The following NHS variants were observed in gnomAD, a reference collection of about 807,000 sequenced individuals.
NHS encodes NHS actin remodeling regulator, also known as actin remodeling regulator NHS.
A neutral mutation model predicts 72.5 loss-of-function variants in NHS; 5 were observed. That is an observed-to-expected ratio of 0.07 (90% CI 0.04 to 0.14). NHS has a LOEUF of 0.14. Among genes scored for constraint, NHS ranks in the 10% least tolerant of loss-of-function variants. The pLI, the probability that NHS is intolerant of heterozygous loss-of-function variation, is 1.00. For synonymous variants in NHS, 464 were observed against 547.7 expected (o/e 0.85, Z 2.13); for missense variants, 1,072 against 1,355.7 (o/e 0.79, Z 3.29).
rs1391918630 is a variant in NHS at position 17,652,170 on chromosome X, TTGGCCC to T, written c.566-35571_566-35566del. On this transcript the variant is annotated intron_variant, in intron 1 of 8. Coordinates refer to ENST00000676302, the MANE Select transcript of NHS (RefSeq NM_001291867.2). ...CCTGGCCCTTTACAGAAAAAGTTTG[TTGGCCC>T]CTGCTATAGATCATCACTGTCCTAA... Among the ~76,000 whole-genome samples the T allele has an allele frequency of 1.2e-4, 14 of 112,704 alleles. No individual in the cohort carries two copies. In the East Asian group the frequency reaches 3.9e-3, roughly 31 times the overall value.
intron 1 of NHS, among the ~76,000 whole-genome samples, chrX:17,491,861 A>T (rs762286329): frequency 9.9e-6 from 1 of 101,016 alleles, no homozygotes; most frequent in South Asian, 4.7e-4. Flanking sequence ...TAGTCTTGGG[A>T]GGGTGTATGT....
chrX:17,733,123 T>G lies in NHS; in HGVS notation c.*659T>G, dbSNP rs1425901270. ...GAGTGGTAAACCTCAAATATGAATT[T>G]TAAACTGGTGAACTAAAGGAAATCT... On this transcript the variant is annotated 3_prime_UTR_variant, in exon 9 of 9. Coordinates refer to ENST00000676302, the MANE Select transcript of NHS (RefSeq NM_001291867.2). 8.8e-6 allele frequency: 1 copy of G among 113,589 alleles called. No homozygotes were observed. Among genetic ancestry groups the G allele is most frequent in the African/African-American group, 3.2e-5 (1 of 30,874 alleles). 9.4% of individuals were successfully genotyped at this position (113,589 alleles called of 1,213,427 possible).
chrX:17,635,678 G>T, intron 1 of NHS: 1 of 952,776 alleles, frequency 1.0e-6, no homozygotes. Flanking sequence ...GGCTTGTGCT[G>T]TAGCCACTTC....
At chrX:17,410,516 C>CTTT (rs200959395) in intron 1 of NHS, among the ~76,000 whole-genome samples, 30 of 82,202 alleles carry the variant, frequency 3.6e-4, no homozygotes, top group African/African-American at 1.0e-3. Flanking sequence ...CAACTCTCTG[C>CTTT]TTTTTTTTTT....
intron 1 of NHS, among the ~76,000 whole-genome samples, chrX:17,602,655 T>C (rs1404309765): frequency 1.8e-5 from 2 of 110,711 alleles, no homozygotes; most frequent in Non-Finnish European, 3.8e-5. Context: ...GCAAGTGGCT[T>C]GCTGCTTTAC....
chrX:17,446,092 C>T (rs2064778432), intron 1 of NHS, among the ~76,000 whole-genome samples: 1 of 110,396 alleles, frequency 9.1e-6, no homozygotes, highest in South Asian at 3.9e-4. Flanking sequence ...AATGCTCCTT[C>T]TAACAACCCC....
At chrX:17,397,233 C>A (rs1044464612) in intron 1 of NHS, among the ~76,000 whole-genome samples, 1 of 112,487 alleles carries the variant, frequency 8.9e-6, no homozygotes, top group African/African-American at 3.2e-5. Context: ...CACAACCAAC[C>A]GGGTGGCATG....
intron 5 of NHS, among the ~76,000 whole-genome samples, chrX:17,722,531 G>T (rs1383718306): frequency 9.0e-6 from 1 of 111,595 alleles, no homozygotes; most frequent in East Asian, 2.8e-4. Context: ...ACCCCACTCA[G>T]ATTTCTCTCA....
At chrX:17,712,310 C>CAT (rs1178952843) in intron 3 of NHS, among the ~76,000 whole-genome samples, 20 of 80,147 alleles carry the variant, frequency 2.5e-4, no homozygotes, top group Admixed American at 6.0e-4. Context: ...CACACACACA[C>CAT]ATATATATAT....
intron 1 of NHS, among the ~76,000 whole-genome samples, chrX:17,507,969 A>G (rs1249795988): frequency 9.0e-6 from 1 of 111,599 alleles, no homozygotes; most frequent in Admixed American, 9.5e-5. Flanking sequence ...TGCATATACT[A>G]TCTCATTTAA....
intron 1 of NHS, among the ~76,000 whole-genome samples, chrX:17,503,341 C>G (rs1304980114): frequency 8.9e-6 from 1 of 111,826 alleles, no homozygotes; most frequent in Non-Finnish European, 1.9e-5. Flanking sequence ...AGTGAGGATG[C>G]CCCACTTTAG....
intron 1 of NHS, among the ~76,000 whole-genome samples, chrX:17,480,977 A>C (rs868425628): frequency 8.9e-6 from 1 of 111,765 alleles, no homozygotes; most frequent in South Asian, 3.7e-4. Flanking sequence ...TTGAGGGGTC[A>C]TGATGGCCAG....
chrX:17,646,755 T>C (rs2065907533), intron 1 of NHS, among the ~76,000 whole-genome samples: 1 of 112,094 alleles, frequency 8.9e-6, no homozygotes, highest in African/African-American at 3.2e-5. Flanking sequence ...CAGCAAAACA[T>C]CCCCTTTTCT....
At chrX:17,454,062 A>G (rs2064816630) in intron 1 of NHS, among the ~76,000 whole-genome samples, 1 of 111,687 alleles carries the variant, frequency 9.0e-6, no homozygotes, top group African/African-American at 3.3e-5. Flanking sequence ...TCAGCCCCAC[A>G]TGTTTGTATT....
chrX:17,516,773 G>GCA (rs201829012), intron 1 of NHS, among the ~76,000 whole-genome samples: 230 of 100,545 alleles, frequency 2.3e-3, no homozygotes, highest in African/African-American at 7.2e-3. Flanking sequence ...AATTCAAATG[G>GCA]CACACACACA....
chrX:17,404,803 GTC>G (rs368840034), intron 1 of NHS, among the ~76,000 whole-genome samples: 367 of 95,755 alleles, frequency 3.8e-3, no homozygotes, highest in African/African-American at 9.8e-3. Flanking sequence ...GTAACACTCT[GTC>G]TCTCTCTCTC....
intron 1 of NHS, among the ~76,000 whole-genome samples, chrX:17,664,564 A>G (rs1474438600): frequency 8.9e-6 from 1 of 112,261 alleles, no homozygotes; most frequent in Non-Finnish European, 1.9e-5. Context: ...ATTGATCTAT[A>G]ATGTCTACTT....
chrX:17,586,567 C>T (rs1355338925), intron 1 of NHS: 1 of 112,519 alleles, frequency 8.9e-6, no homozygotes, highest in East Asian at 2.8e-4. Flanking sequence ...TTTTTAACCA[C>T]ATGCTCCTTG....
rs745381540 is a variant in NHS at position 17,474,861 on chromosome X, A to C, written c.565+98539A>C. 7.8e-4 allele frequency among the ~76,000 whole-genome samples: 87 copies of C among 111,344 alleles called. 1 individual carries two copies. In the Middle Eastern group the frequency reaches 0.018, roughly 24 times the overall value. On this transcript the variant is annotated intron_variant, in intron 1 of 8. Coordinates refer to ENST00000676302, the MANE Select transcript of NHS (RefSeq NM_001291867.2). ...CCCACAGCATCCACTATGACATCTC[A>C]ATCTTGTTCTAATCATAAGCCCCCA...
Sources: allele counts gnomAD v4.1 joint callset (sites outside exome capture counted in the v4.1 genomes callset), GRCh38; gene constraint gnomAD v4.1.1; transcripts MANE v1.5; gene names NCBI Gene and HGNC (gene_info 2026-07-23, HGNC 2026-07-21).